The following MARCHF1 variants were observed in gnomAD, a reference collection of about 807,000 sequenced individuals.
MARCHF1 encodes the protein membrane associated ring-CH-type finger 1, also known as E3 ubiquitin-protein ligase MARCHF1.
Under a neutral mutation model 54.2 loss-of-function variants are expected in MARCHF1, and 40 were observed. That is an observed-to-expected ratio of 0.74 (90% CI 0.57 to 0.96). MARCHF1 has a LOEUF of 0.96. MARCHF1 is among the 40% of genes least tolerant of loss of function. MARCHF1 has a pLI of 0.00. For synonymous variants in MARCHF1, 236 were observed against 236.3 expected (o/e 1.00, Z 0.01); for missense variants, 586 against 656.5 (o/e 0.89, Z 1.17).
intron 2 of MARCHF1, among the ~76,000 whole-genome samples, chr4:164,006,205 G>A (rs1753283532): frequency 6.6e-6 from 1 of 152,132 alleles, no homozygotes; most frequent in Non-Finnish European, 1.5e-5. Flanking sequence ...AAGACTCAGT[G>A]ATCTCCAAGA....
rs1750761210 is a variant in MARCHF1, at chr4:163,894,871, ATATG to A, written c.-38-40706_-38-40703del. ...ATATATATGCATGTGATGCATATAT[ATATG>A]CATGTGATGCATATATATATGCATG... is the stretch of plus-strand genomic sequence containing the variant. On this transcript the variant is annotated intron_variant, in intron 3 of 9. Transcript: ENST00000514618. Among the ~76,000 whole-genome samples, 4 of 84,890 alleles carry A rather than the reference ATATG, an allele frequency of 4.7e-5. 1 individual carries two copies. Among genetic ancestry groups the A allele is most frequent in the African/African-American group, 1.6e-4 (4 of 25,038 alleles). 55.7% of individuals were successfully genotyped at this position (84,890 alleles called of 152,430 possible).
chr4:164,256,695 T>C (rs1205645562), intron 1 of MARCHF1, among the ~76,000 whole-genome samples: 2 of 152,150 alleles, frequency 1.3e-5, no homozygotes, highest in African/African-American at 4.8e-5. Flanking sequence ...TTAGTTTCTA[T>C]GAACAGCTTA....
At chr4:163,950,097 G>C (rs953191222) in intron 3 of MARCHF1, among the ~76,000 whole-genome samples, 1 of 152,170 alleles carries the variant, frequency 6.6e-6, no homozygotes, top group African/African-American at 2.4e-5. Flanking sequence ...CAGGGCACAG[G>C]CCAGGCCCAG....
At chr4:163,709,774 A>C (rs1237945724) in intron 4 of MARCHF1, among the ~76,000 whole-genome samples, 1 of 152,202 alleles carries the variant, frequency 6.6e-6, no homozygotes, top group Non-Finnish European at 1.5e-5. Context: ...TAAGAAAATC[A>C]CAGGCCTTCT....
chr4:163,587,544 C>T (rs1740448574), intron 7 of MARCHF1, among the ~76,000 whole-genome samples: 1 of 152,116 alleles, frequency 6.6e-6, no homozygotes, highest in South Asian at 2.1e-4. Flanking sequence ...CATATTCTCA[C>T]TTATAAGTAG....
rs190463201 is a variant in MARCHF1, at chr4:163,776,362, A to C, written c.112-75499T>G. 4.9e-3 allele frequency among the ~76,000 whole-genome samples: 732 copies of C among 150,832 alleles called. 5 individuals are homozygous for C. Among genetic ancestry groups the C allele is most frequent in the African/African-American group, 0.015 (627 of 41,308 alleles). On this transcript the variant is annotated intron_variant, in intron 4 of 9. Coordinates refer to ENST00000514618, the MANE Select transcript of MARCHF1 (RefSeq NM_001394959.1). ...TCTCTGTCTCTGTCTCTTTCTCTCT[A>C]TATATAATTTAATTTATAAATAATA...
chr4:163,837,587 C>T (rs76966466), intron 4 of MARCHF1, among the ~76,000 whole-genome samples: 5,437 of 151,690 alleles, frequency 0.036, 447 homozygotes, highest in East Asian at 0.29. Context: ...TAAAGAAGAA[C>T]ATTTTATAAT....
chr4:164,188,444 A>G (rs1288740767), intron 1 of MARCHF1: 1 of 624,360 alleles, frequency 1.6e-6, no homozygotes, highest in Non-Finnish European at 3.0e-6. Flanking sequence ...GTTCGAGGAC[A>G]AGGAGGAGGA....
intron 2 of MARCHF1, among the ~76,000 whole-genome samples, chr4:164,104,042 G>A (rs7340975): frequency 2.6e-5 from 4 of 151,272 alleles, no homozygotes; most frequent in African/African-American, 7.4e-5. Flanking sequence ...CTGGACACAT[G>A]CACTCTCCCA....
At chr4:163,647,935 A>T (rs1470031603) in intron 5 of MARCHF1, among the ~76,000 whole-genome samples, 3 of 151,738 alleles carry the variant, frequency 2.0e-5, no homozygotes, top group Non-Finnish European at 4.4e-5. Flanking sequence ...TTGTTGGAAA[A>T]AAATAGAAAA....
chr4:163,745,207 G>T (rs1259508874), intron 4 of MARCHF1, among the ~76,000 whole-genome samples: 1 of 151,350 alleles, frequency 6.6e-6, no homozygotes, highest in Non-Finnish European at 1.5e-5. Flanking sequence ...CTGTTTTTTG[G>T]GTTCAAGCCA....
chr4:163,675,875 TA>T (rs780866906), intron 5 of MARCHF1, among the ~76,000 whole-genome samples: 2 of 152,158 alleles, frequency 1.3e-5, no homozygotes, highest in Non-Finnish European at 2.9e-5. Flanking sequence ...CATTTTTCTT[TA>T]AAATATCTCT....
At chr4:164,265,039 T>G (rs1229558931) in intron 1 of MARCHF1, among the ~76,000 whole-genome samples, 30 of 152,190 alleles carry the variant, frequency 2.0e-4, no homozygotes, top group Non-Finnish European at 4.4e-5. Context: ...AATAGCTTTG[T>G]ATTTGAAAAA....
At chr4:164,343,678 AC>A (rs1435838251) in intron 1 of MARCHF1, among the ~76,000 whole-genome samples, 1 of 152,204 alleles carries the variant, frequency 6.6e-6, no homozygotes, top group African/African-American at 2.4e-5. Flanking sequence ...ACAATGAGAT[AC>A]CATCTCTCAC....
intron 4 of MARCHF1, among the ~76,000 whole-genome samples, chr4:163,799,389 C>G (rs986342723): frequency 1.3e-5 from 2 of 152,058 alleles, no homozygotes; most frequent in Non-Finnish European, 2.9e-5. Flanking sequence ...AGCAAGCTTG[C>G]TAAAAGTGTT....
chr4:163,842,324 A>G (rs1188627882), intron 4 of MARCHF1, among the ~76,000 whole-genome samples: 1 of 152,062 alleles, frequency 6.6e-6, no homozygotes, highest in African/African-American at 2.4e-5. Context: ...TATCTACATT[A>G]GAGGCCTATT....
At position 164,127,048 on chromosome 4, in the gene MARCHF1, C is replaced by T. The variant is rs568853701; in HGVS notation, c.-322-15386G>A. ...TACCCTGGGCGACAGAGTGAAACTCCGTCTCAAAACAAAACAAAACAAAAC... is the reference window on the plus strand; with the variant it reads ...TACCCTGGGCGACAGAGTGAAACTCTGTCTCAAAACAAAACAAAACAAAAC... On this transcript the variant is annotated intron_variant, in intron 1 of 9. Coordinates refer to ENST00000514618, the MANE Select transcript of MARCHF1 (RefSeq NM_001394959.1). 1.7e-4 allele frequency among the ~76,000 whole-genome samples: 17 copies of T among 102,766 alleles called. 1 individual carries two copies. Among genetic ancestry groups the T allele is most frequent in the Admixed American group, 1.6e-3 (14 of 8,986 alleles). 67.4% of individuals were successfully genotyped at this position (102,766 alleles called of 152,430 possible). A position where few individuals can be genotyped will look rare whatever the true frequency, so the allele number is the denominator to read the frequency against.
chr4:164,091,892 G>A (rs1255350349), intron 2 of MARCHF1, among the ~76,000 whole-genome samples: 1 of 143,568 alleles, frequency 7.0e-6, no homozygotes, highest in East Asian at 2.1e-4. Context: ...GTGTGTGTGT[G>A]TGTCTGTATG....
intron 2 of MARCHF1, among the ~76,000 whole-genome samples, chr4:164,063,018 T>C (rs1379770795): frequency 6.6e-6 from 1 of 152,166 alleles, no homozygotes; most frequent in African/African-American, 2.4e-5. Context: ...TTGCTTGTTG[T>C]TTTCTGAGCA....
Sources: gnomAD v4.1 joint callset for allele counts (sites outside exome capture counted in the v4.1 genomes callset) on GRCh38, gnomAD v4.1.1 for gene constraint, MANE v1.5 for transcripts, NCBI Gene and HGNC (gene_info 2026-07-23, HGNC 2026-07-21) for gene names.